RAI1: variants seen among roughly 807,000 people sequenced by gnomAD.
RAI1 encodes the protein retinoic acid-induced protein 1.
RAI1 carries 9 observed loss-of-function variants against 123.8 expected under a neutral mutation model. That is an observed-to-expected ratio of 0.07 (90% CI 0.04 to 0.13). The LOEUF is 0.13. Among genes scored for constraint, RAI1 ranks in the 10% least tolerant of loss-of-function variants. The pLI is 1.00. For missense variants in RAI1, 2,256 were observed against 2,545.8 expected (o/e 0.89, Z 2.45); for synonymous variants, 1,231 against 1,127.3 (o/e 1.09, Z -1.84).
In RAI1 at chr17:17,775,770, A is replaced by C. The variant is rs1042801933; in HGVS notation, c.-16-17163A>C. ...CTCGGGTGGTGGAGGGGGAGGCAGG[A>C]GAGGCAGGCACACTCGGTGTAACCT... On this transcript the variant is annotated intron_variant, in intron 2 of 5. Transcript: ENST00000353383. Among the ~76,000 whole-genome samples, 4 of 152,282 alleles carry C rather than the reference A, an allele frequency of 2.6e-5. No individual in the cohort carries two copies. In the South Asian group the frequency reaches 8.3e-4, roughly 32 times the overall value.
rs1423526612 is a variant in RAI1, at chr17:17,801,993, G to T, written c.5566-1763G>T. 2 of 459,658 alleles carry T rather than the reference G, an allele frequency of 4.4e-6. No individual in the cohort carries two copies. Among genetic ancestry groups the T allele is most frequent in the Non-Finnish European group, 8.9e-6 (2 of 223,864 alleles). 28.5% of individuals were successfully genotyped at this position (459,658 alleles called of 1,614,324 possible). A position where few individuals can be genotyped will look rare whatever the true frequency, so the allele number is the denominator to read the frequency against. On this transcript the variant is annotated intron_variant, in intron 3 of 5. Coordinates refer to ENST00000353383, the MANE Select transcript of RAI1 (RefSeq NM_030665.4). The surrounding 1 kb of genome is among the most constrained non-coding windows in gnomAD (Gnocchi z 4.1). Reference sequence around the variant, plus strand: ...TCACTGGCTTCGCACTTGGGCAGAGGCCGCCGCCCTCTCTGCTGCCTTCTC... The same window carrying T: ...TCACTGGCTTCGCACTTGGGCAGAGTCCGCCGCCCTCTCTGCTGCCTTCTC...
intron 2 of RAI1, among the ~76,000 whole-genome samples, chr17:17,770,626 CATGGGGGTGG>C (rs2031116925): frequency 7.6e-6 from 1 of 132,018 alleles, no homozygotes; most frequent in African/African-American, 2.8e-5. Context: ...CAGGGAGGTC[CATGGGGGTGG>C]GTGGGGGTGG....
chr17:17,730,263 G>A (rs1002401022), intron 2 of RAI1, among the ~76,000 whole-genome samples: 1 of 152,192 alleles, frequency 6.6e-6, no homozygotes, highest in Non-Finnish European at 1.5e-5. Context: ...AGTCACTGCC[G>A]AGGTCAGAGC....
chr17:17,731,575 A>G (rs180897954), intron 2 of RAI1, among the ~76,000 whole-genome samples: 22 of 152,312 alleles, frequency 1.4e-4, no homozygotes, highest in East Asian at 7.7e-4. Context: ...AAGTCTCGGC[A>G]GTGGGAACAC....
chr17:17,694,775 C>T (rs1914959189), intron 1 of RAI1, among the ~76,000 whole-genome samples: 1 of 149,630 alleles, frequency 6.7e-6, no homozygotes, highest in Admixed American at 6.6e-5. Context: ...GCGGGGCGGG[C>T]CGCTCGCGTC....
intron 2 of RAI1, among the ~76,000 whole-genome samples, chr17:17,728,791 G>T (rs76444726): frequency 0.041 from 6,203 of 152,268 alleles, 203 homozygotes; most frequent in Non-Finnish European, 0.061. Flanking sequence ...AGGTCATGCA[G>T]CCAGGAGTTG....
intron 2 of RAI1, among the ~76,000 whole-genome samples, chr17:17,790,573 GTCTC>G (rs1175587071): frequency 6.6e-6 from 1 of 151,856 alleles, no homozygotes; most frequent in Non-Finnish European, 1.5e-5. Context: ...CACTGTCTCT[GTCTC>G]TCTTTAAATA....
chr17:17,684,618 C>T (rs1397600013), intron 1 of RAI1: 4 of 149,144 alleles, frequency 2.7e-5, no homozygotes, highest in Non-Finnish European at 5.9e-5. Context: ...TGCAGGTAAC[C>T]CCAGTTAATA....
rs1291116568 is a variant in RAI1 at position 17,797,725 on chromosome 17, C to T, written c.4777C>T (p.Pro1593Ser). Residue 1593 changes from proline to serine, a missense_variant, in exon 3 of 6, where the codon CCC becomes TCC. Physicochemically the swap from Pro to Ser is moderately conservative, Grantham distance 74. This residue lies in a region of RAI1 where 410 missense variants were observed against 374.6 expected (regional missense o/e 1.09). Transcript: ENST00000353383. Reference protein sequence around the residue: ...CKRLRSDSRTPAFSPFVRVEK... With the variant: ...CKRLRSDSRTSAFSPFVRVEK... ...GCGGCTGAGGTCAGACAGCCGGACC[C>T]CCGCCTTCTCACCCTTCGTGCGGGT... 12 of 1,613,678 alleles carry T rather than the reference C, an allele frequency of 7.4e-6. No individual in the cohort carries two copies. The highest frequency in any genetic ancestry group is 1.3e-5 in the African/African-American group (1 of 74,932).
intron 1 of RAI1, among the ~76,000 whole-genome samples, chr17:17,682,737 C>T (rs1914481061): frequency 6.6e-6 from 1 of 152,162 alleles, no homozygotes; most frequent in Non-Finnish European, 1.5e-5. Flanking sequence ...CCTGGGGCGC[C>T]CGTTTTCCCG....
chr17:17,748,654 G>A (rs2030023343), intron 2 of RAI1, among the ~76,000 whole-genome samples: 1 of 152,214 alleles, frequency 6.6e-6, no homozygotes, highest in Admixed American at 6.5e-5. Context: ...TGATAGAAAA[G>A]GTGTAGGAGG....
chr17:17,791,705 C>T (rs1350308833), intron 2 of RAI1, among the ~76,000 whole-genome samples: 1 of 152,212 alleles, frequency 6.6e-6, no homozygotes, highest in Non-Finnish European at 1.5e-5. Flanking sequence ...GCCAGCCCCT[C>T]CATGCACTTC....
intron 2 of RAI1, among the ~76,000 whole-genome samples, chr17:17,769,714 A>AGAAGG (rs1466238257): frequency 6.6e-6 from 1 of 152,184 alleles, no homozygotes; most frequent in Non-Finnish European, 1.5e-5. Flanking sequence ...GCCTCCTCAG[A>AGAAGG]GAGGCCTTAC....
At chr17:17,725,463 T>C (rs1916055984) in intron 2 of RAI1, among the ~76,000 whole-genome samples, 1 of 152,002 alleles carries the variant, frequency 6.6e-6, no homozygotes, top group African/African-American at 2.4e-5. Flanking sequence ...CCTTTCCCAT[T>C]GAGGCCATGG....
intron 1 of RAI1, chr17:17,683,684 G>C (rs754110349): frequency 6.6e-6 from 1 of 152,272 alleles, no homozygotes; most frequent in Non-Finnish European, 1.5e-5. Flanking sequence ...AAGCCTTGGA[G>C]AGGAGGAGAA....
chr17:17,706,045 AAAG>A (rs1425142945), intron 1 of RAI1, among the ~76,000 whole-genome samples: 3 of 151,376 alleles, frequency 2.0e-5, no homozygotes, highest in Non-Finnish European at 4.4e-5. Context: ...AAAAAAAAAA[AAAG>A]GCAACAAAAA....
chr17:17,745,431 T>TG (rs1916793936), intron 2 of RAI1, among the ~76,000 whole-genome samples: 5 of 147,666 alleles, frequency 3.4e-5, no homozygotes, highest in African/African-American at 1.3e-4. Context: ...GTGTGTGTGT[T>TG]TGTTTTTGTT....
chr17:17,729,996 C>A (rs562121577), intron 2 of RAI1, among the ~76,000 whole-genome samples: 94 of 152,270 alleles, frequency 6.2e-4, no homozygotes, highest in Middle Eastern at 3.4e-3. Flanking sequence ...AACAGTATCA[C>A]GAGGCATCAG....
intron 4 of RAI1, chr17:17,804,209 A>G (rs2032552309): frequency 1.1e-5 from 4 of 351,288 alleles, no homozygotes; most frequent in South Asian, 9.5e-5. Context: ...TGAAGGATAA[A>G]TAGGAGTTCA....
Sources: gnomAD v4.1 joint callset for allele counts (sites outside exome capture counted in the v4.1 genomes callset) on GRCh38, gnomAD v4.1.1 for gene constraint, gnomAD v4.1.1 regional missense constraint, Gnocchi (gnomAD v3.1) non-coding constraint, MANE v1.5 for transcripts, NCBI Gene and HGNC (gene_info 2026-07-23, HGNC 2026-07-21) for gene names.